Variants in MARCHF11 observed in about 807,000 individuals in gnomAD.
The protein encoded by MARCHF11 is E3 ubiquitin-protein ligase MARCHF11.
Under a neutral mutation model 37.3 loss-of-function variants are expected in MARCHF11, and 29 were observed. That is an observed-to-expected ratio of 0.78 (90% confidence interval 0.58 to 1.06). The LOEUF is 1.06. Ranked by LOEUF, MARCHF11 falls within the 50% of genes least tolerant of loss-of-function variation. MARCHF11 has a pLI of 0.00. For synonymous variants in MARCHF11, 233 were observed against 228.0 expected, an observed-to-expected ratio of 1.02 and a Z score of -0.20; for missense variants, 482 against 533.4, an observed-to-expected ratio of 0.90 and a Z score of 0.95.
chr5:16,152,077 T>C (rs1334437092), intron 2 of MARCHF11, among the ~76,000 whole-genome samples: 3 of 152,028 alleles, frequency 2.0e-5, no homozygotes, highest in Non-Finnish European at 4.4e-5. Flanking sequence ...TTCCAGTATC[T>C]CACTCATTAA....
chr5:16,157,654 C>T (rs1263651200), intron 2 of MARCHF11, among the ~76,000 whole-genome samples: 1 of 151,794 alleles, frequency 6.6e-6, no homozygotes, highest in Non-Finnish European at 1.5e-5. Context: ...TGATGTCAGA[C>T]TCTTAGCTCA....
chr5:16,162,321 G>A (rs1450544730), intron 2 of MARCHF11, among the ~76,000 whole-genome samples: 2 of 151,826 alleles, frequency 1.3e-5, no homozygotes, highest in Admixed American at 6.6e-5. Context: ...CTTTATCAAG[G>A]CTTTTTACAT....
At chr5:16,086,801 T>C (rs937914161) in intron 3 of MARCHF11, among the ~76,000 whole-genome samples, 2 of 152,230 alleles carry the variant, frequency 1.3e-5, no homozygotes, top group African/African-American at 2.4e-5. Context: ...AATAAACATA[T>C]TCTTCTTGTG....
intron 2 of MARCHF11, among the ~76,000 whole-genome samples, chr5:16,145,353 G>A (rs900754417): frequency 1.3e-5 from 2 of 152,140 alleles, no homozygotes; most frequent in Non-Finnish European, 2.9e-5. Flanking sequence ...CAGGAGGGGA[G>A]TTGCTCTCTC....
intron 3 of MARCHF11, among the ~76,000 whole-genome samples, chr5:16,086,750 A>C (rs1288020306): frequency 6.6e-6 from 1 of 152,230 alleles, no homozygotes; most frequent in Admixed American, 6.5e-5. Flanking sequence ...AAATCCTGTC[A>C]TCACATGGCC....
In MARCHF11 at chr5:16,093,138, C is replaced by T. The variant is rs150367495; in HGVS notation, c.694-2057G>A. On this transcript the variant is annotated intron_variant, in intron 2 of 3. Transcript: ENST00000332432. ...CAAAGCATCCTTTAAGTCCATGAAG[C>T]GTGTTTGTGTGTGTGTTTGACTTTC... is the stretch of plus-strand genomic sequence containing the variant. 9.2e-3 allele frequency among the ~76,000 whole-genome samples: 1,398 copies of T among 152,098 alleles called. 8 individuals carry two copies. The highest frequency in any genetic ancestry group is 0.026 in the South Asian group (126 of 4,812).
At chr5:16,103,242 C>T (rs1051880431) in intron 2 of MARCHF11, among the ~76,000 whole-genome samples, 1 of 152,104 alleles carries the variant, frequency 6.6e-6, no homozygotes, top group South Asian at 2.1e-4. Context: ...AAGTCATCAG[C>T]ACTTGAGCTG....
chr5:16,148,509 G>A (rs1224817446), intron 2 of MARCHF11, among the ~76,000 whole-genome samples: 2 of 152,158 alleles, frequency 1.3e-5, no homozygotes, highest in Non-Finnish European at 1.5e-5. Context: ...CAGGTTTGGT[G>A]ATGAAGACAG....
At chr5:16,109,489 C>T (rs536299233) in intron 2 of MARCHF11, among the ~76,000 whole-genome samples, 25 of 152,302 alleles carry the variant, frequency 1.6e-4, no homozygotes, top group Admixed American at 2.6e-4. Context: ...GGATGGTGCC[C>T]GGAGAGGGCA....
chr5:16,116,220 G>A (rs756663302), intron 2 of MARCHF11, among the ~76,000 whole-genome samples: 3 of 152,036 alleles, frequency 2.0e-5, no homozygotes, highest in Non-Finnish European at 4.4e-5. Context: ...ATCACACAAG[G>A]CTTTCCGTCT....
intron 2 of MARCHF11, among the ~76,000 whole-genome samples, chr5:16,120,822 C>T (rs1443413350): frequency 2.0e-5 from 3 of 152,126 alleles, no homozygotes; most frequent in South Asian, 2.1e-4. Flanking sequence ...AGAGATAAGC[C>T]GCCCCACTTG....
In MARCHF11 at chr5:16,178,211, G is replaced by A. The variant is rs550357316; in HGVS notation, c.538-330C>T. On this transcript the variant is annotated intron_variant, in intron 1 of 3. Coordinates refer to ENST00000332432, the MANE Select transcript of MARCHF11 (RefSeq NM_001102562.3). ...GATGGTCAGATGCATTTCCTCTGCAGTTATTCTTAATCATTGCTAAAGAAG... is the reference window on the plus strand; with the variant it reads ...GATGGTCAGATGCATTTCCTCTGCAATTATTCTTAATCATTGCTAAAGAAG... Among the ~76,000 whole-genome samples the A allele has an allele frequency of 2.6e-5, 4 of 152,264 alleles. No individual in the cohort carries two copies. In the South Asian group the frequency reaches 8.3e-4, roughly 32 times the overall value.
At chr5:16,133,280 T>C (rs1382318865) in intron 2 of MARCHF11, among the ~76,000 whole-genome samples, 1 of 152,138 alleles carries the variant, frequency 6.6e-6, no homozygotes, top group Non-Finnish European at 1.5e-5. Context: ...TATGCACAAG[T>C]TCTAAACCTT....
chr5:16,173,864 G>A (rs1307816045), intron 2 of MARCHF11, among the ~76,000 whole-genome samples: 4 of 152,160 alleles, frequency 2.6e-5, no homozygotes, highest in African/African-American at 2.4e-5. Flanking sequence ...TCAAAATAAG[G>A]TATAAGACAG....
chr5:16,134,849 T>TA (rs1404129496), intron 2 of MARCHF11, among the ~76,000 whole-genome samples: 4 of 152,110 alleles, frequency 2.6e-5, no homozygotes, highest in African/African-American at 4.8e-5. Context: ...GAAAACTTGA[T>TA]AAAAAATTTA....
chr5:16,102,628 C>T (rs992440222), intron 2 of MARCHF11, among the ~76,000 whole-genome samples: 7 of 152,180 alleles, frequency 4.6e-5, no homozygotes, highest in Non-Finnish European at 7.3e-5. Flanking sequence ...AACCCATTTC[C>T]AGCTCCCCAT....
intron 2 of MARCHF11, among the ~76,000 whole-genome samples, chr5:16,102,804 T>C (rs12188274): frequency 0.3 from 45,230 of 152,028 alleles, 7,960 homozygotes; most frequent in East Asian, 0.57. Context: ...GTGGGCCAGT[T>C]TGGGGTTTGT....
chr5:16,114,576 C>T (rs933139762), intron 2 of MARCHF11, among the ~76,000 whole-genome samples: 27 of 152,048 alleles, frequency 1.8e-4, no homozygotes, highest in African/African-American at 6.3e-4. Context: ...CCCTTTTTGT[C>T]TAGAATCACT....
chr5:16,097,208 G>C (rs1736883230), intron 2 of MARCHF11, among the ~76,000 whole-genome samples: 1 of 152,094 alleles, frequency 6.6e-6, no homozygotes. Context: ...TTGAAATGCT[G>C]GCAGAAAACA....
Sources: allele counts gnomAD v4.1 joint callset (sites outside exome capture counted in the v4.1 genomes callset), GRCh38; gene constraint gnomAD v4.1.1; transcripts MANE v1.5; gene names NCBI Gene and HGNC (gene_info 2026-07-23, HGNC 2026-07-21).